The following PKIB variants were observed in gnomAD, a reference collection of about 807,000 sequenced individuals.
PKIB encodes PKI-beta.
A neutral mutation model predicts 4.5 loss-of-function variants in PKIB; 2 were observed. The observed-to-expected ratio is 0.44, with a 90% confidence interval of 0.18 to 1.39. The LOEUF (loss-of-function observed/expected upper bound fraction) is 1.39, where lower values mean the gene tolerates loss of function less well. Ranked by LOEUF, PKIB falls within the 40% of genes most tolerant of loss-of-function variation. The probability of loss-of-function intolerance (pLI) is 0.27; values close to 1 mark genes in which losing one functional copy is unlikely to be tolerated. For missense variants in PKIB, 94 were observed against 92.6 expected, an observed-to-expected ratio of 1.02 and a Z score of -0.06; for synonymous variants, 38 against 36.0, an observed-to-expected ratio of 1.06 and a Z score of -0.20.
intron 3 of PKIB, among the ~76,000 whole-genome samples, chr6:122,690,501 A>G (rs764548982): frequency 1.3e-5 from 2 of 152,112 alleles, no homozygotes; most frequent in Non-Finnish European, 2.9e-5. Context: ...CACTAATTGC[A>G]TAAACAAACA....
Position 122,514,872 on chromosome 6 carries a change from A to G in PKIB, c.-248+36933A>G, listed in dbSNP as rs9490466. Among the ~76,000 whole-genome samples, 133 of 152,180 alleles carry G rather than the reference A, an allele frequency of 8.7e-4. 1 individual carries two copies. Among genetic ancestry groups the G allele is most frequent in the African/African-American group, 3.2e-3 (132 of 41,512 alleles). On this transcript the variant is annotated intron_variant, in intron 2 of 6. Transcript: ENST00000392491. ...GCCCCAGGGGTGAGAGGAAAAGGGA[A>G]CTCCCTCACTGGAGTGGGGTAACCC... is the stretch of plus-strand genomic sequence containing the variant.
At chr6:122,626,365 C>G (rs1775445351) in intron 1 of PKIB, among the ~76,000 whole-genome samples, 1 of 152,096 alleles carries the variant, frequency 6.6e-6, no homozygotes, top group Admixed American at 6.6e-5. Flanking sequence ...TATTGAATAC[C>G]TACAGTATAT....
chr6:122,540,170 C>T (rs1221332872), intron 2 of PKIB, among the ~76,000 whole-genome samples: 2 of 152,092 alleles, frequency 1.3e-5, no homozygotes, highest in East Asian at 3.9e-4. Context: ...TTTTTTGTGT[C>T]TCTATTTCCT....
intron 2 of PKIB, among the ~76,000 whole-genome samples, chr6:122,552,670 A>G (rs1281257243): frequency 6.6e-6 from 1 of 151,678 alleles, no homozygotes; most frequent in Middle Eastern, 3.2e-3. Flanking sequence ...GAGCCACCAC[A>G]CCCAACCCAT....
intron 3 of PKIB, among the ~76,000 whole-genome samples, chr6:122,589,997 T>C (rs1582718571): frequency 6.6e-6 from 1 of 152,142 alleles, no homozygotes; most frequent in Non-Finnish European, 1.5e-5. Flanking sequence ...ATAATCATAA[T>C]ATATGTTTTG....
intron 3 of PKIB, among the ~76,000 whole-genome samples, chr6:122,596,100 G>A (rs1160213476): frequency 6.6e-6 from 1 of 152,164 alleles, no homozygotes; most frequent in Non-Finnish European, 1.5e-5. Flanking sequence ...CACACATCTG[G>A]CCATTTCTCC....
At chr6:122,615,124 C>A (rs1774929148) in intron 1 of PKIB, among the ~76,000 whole-genome samples, 1 of 152,100 alleles carries the variant, frequency 6.6e-6, no homozygotes, top group Non-Finnish European at 1.5e-5. Flanking sequence ...GTTCCATCAT[C>A]CTTGAAGAAG....
At chr6:122,575,805 A>C (rs924283936) in intron 2 of PKIB, among the ~76,000 whole-genome samples, 4 of 152,194 alleles carry the variant, frequency 2.6e-5, no homozygotes, top group African/African-American at 9.6e-5. Flanking sequence ...TATTGGGTAC[A>C]ATGTGTACTG....
chr6:122,722,945 C>G (rs550015141), intron 4 of PKIB, among the ~76,000 whole-genome samples: 2 of 152,126 alleles, frequency 1.3e-5, no homozygotes, highest in Non-Finnish European at 2.9e-5. Flanking sequence ...CTGCTAACAC[C>G]AGTGGTTCAT....
intron 2 of PKIB, among the ~76,000 whole-genome samples, chr6:122,655,139 A>G (rs1006580245): frequency 2.6e-5 from 4 of 152,088 alleles, no homozygotes; most frequent in Non-Finnish European, 5.9e-5. Context: ...GGGACTTTTA[A>G]TTCCTATGTA....
chr6:122,544,434 C>G (rs938834285), intron 2 of PKIB, among the ~76,000 whole-genome samples: 1 of 151,720 alleles, frequency 6.6e-6, no homozygotes, highest in Non-Finnish European at 1.5e-5. Context: ...AAAATAAACC[C>G]CACAATCATT....
intron 3 of PKIB, among the ~76,000 whole-genome samples, chr6:122,685,045 C>T (rs2114983869): frequency 6.6e-6 from 1 of 152,190 alleles, no homozygotes; most frequent in South Asian, 2.1e-4. Flanking sequence ...AGCTGCTAAA[C>T]TTCTCAGATT....
chr6:122,576,304 C>A (rs1773527789), intron 2 of PKIB, among the ~76,000 whole-genome samples: 2 of 150,896 alleles, frequency 1.3e-5, no homozygotes, highest in Non-Finnish European at 3.0e-5. Flanking sequence ...TCAAGACCAT[C>A]CTGGCTAACA....
intron 3 of PKIB, among the ~76,000 whole-genome samples, chr6:122,676,694 G>C (rs1320034853): frequency 6.6e-6 from 1 of 152,132 alleles, no homozygotes; most frequent in Non-Finnish European, 1.5e-5. Flanking sequence ...CATTTGTGTA[G>C]TAGCTAATAA....
intron 2 of PKIB, among the ~76,000 whole-genome samples, chr6:122,485,161 A>G (rs1775727829): frequency 6.6e-6 from 1 of 150,414 alleles, no homozygotes; most frequent in South Asian, 2.1e-4. Context: ...GCTCAATTAA[A>G]CTCCTTTAAA....
intron 2 of PKIB, among the ~76,000 whole-genome samples, chr6:122,528,310 G>A (rs550588998): frequency 6.6e-6 from 1 of 152,270 alleles, no homozygotes; most frequent in South Asian, 2.1e-4. Flanking sequence ...TTAGAAAGCA[G>A]ATAGCTGGGT....
At chr6:122,585,300 A>C (rs1221582815) in intron 2 of PKIB, among the ~76,000 whole-genome samples, 1 of 152,136 alleles carries the variant, frequency 6.6e-6, no homozygotes, top group African/African-American at 2.4e-5. Flanking sequence ...TGATCAATGC[A>C]AGAGTCTCCT....
At chr6:122,637,953 A>G (rs1775988728) in intron 2 of PKIB, among the ~76,000 whole-genome samples, 1 of 152,202 alleles carries the variant, frequency 6.6e-6, no homozygotes, top group African/African-American at 2.4e-5. Context: ...TTATTTCAGT[A>G]GAAATTATTT....
chr6:122,556,415 C>A (rs1772842423), intron 2 of PKIB, among the ~76,000 whole-genome samples: 1 of 152,164 alleles, frequency 6.6e-6, no homozygotes, highest in Non-Finnish European at 1.5e-5. Context: ...GGCGGCACAA[C>A]AACTTGTCAA....
Sources: allele counts gnomAD v4.1 joint callset (sites outside exome capture counted in the v4.1 genomes callset), GRCh38; gene constraint gnomAD v4.1.1; transcripts MANE v1.5; gene names NCBI Gene and HGNC (gene_info 2026-07-23, HGNC 2026-07-21).